Variants in WWOX observed in about 807,000 individuals in gnomAD.
WWOX encodes the protein WW domain containing oxidoreductase, also known as WW domain-containing oxidoreductase.
A neutral mutation model predicts 46.2 loss-of-function variants in WWOX; 69 were observed. The observed-to-expected ratio is 1.49, with a 90% CI of 1.23 to 1.82. The LOEUF (loss-of-function observed/expected upper bound fraction) is 1.82, where lower values mean the gene tolerates loss of function less well. Among genes scored for constraint, WWOX ranks in the 40% most tolerant of loss-of-function variants. The pLI, the probability that WWOX is intolerant of heterozygous loss-of-function variation, is 0.00. For synonymous variants in WWOX, 359 were observed against 202.6 expected (o/e 1.77, Z -6.56); for missense variants, 919 against 542.6 (o/e 1.69, Z -6.89).
At chr16:78,482,866 G>A (rs1408775676) in intron 8 of WWOX, among the ~76,000 whole-genome samples, 1 of 152,138 alleles carries the variant, frequency 6.6e-6, no homozygotes, top group African/African-American at 2.4e-5. Flanking sequence ...AGAGGGCCAG[G>A]CACATAAAAT....
intron 8 of WWOX, among the ~76,000 whole-genome samples, chr16:78,812,415 A>G (rs1449927388): frequency 6.6e-6 from 1 of 152,126 alleles, no homozygotes; most frequent in African/African-American, 2.4e-5. Flanking sequence ...TTTGTTAAAA[A>G]AAACCCAAAA....
chr16:79,017,965 C>G (rs2113306), intron 8 of WWOX, among the ~76,000 whole-genome samples: 77 of 152,272 alleles, frequency 5.1e-4, no homozygotes, highest in Non-Finnish European at 9.7e-4. Context: ...GAATAAAATA[C>G]ACATTTGCAC....
rs1248627307 is a variant in WWOX at position 78,372,919 on chromosome 16, G to A, written c.517-13941G>A. Among the ~76,000 whole-genome samples, 9 of 152,146 alleles carry A rather than the reference G, an allele frequency of 5.9e-5. 1 individual carries two copies. The highest frequency in any genetic ancestry group is 5.9e-4 in the Admixed American group (9 of 15,284). On this transcript the variant is annotated intron_variant, in intron 5 of 8. Transcript: ENST00000566780. ...TGGAATAATGAGCTTGGTTTGAAAA[G>A]TAGCATCATTAATCTGATATATGCT...
chr16:78,431,073 T>C (rs543137951), intron 7 of WWOX, among the ~76,000 whole-genome samples: 6 of 152,222 alleles, frequency 3.9e-5, no homozygotes, highest in Non-Finnish European at 8.8e-5. Context: ...TGAGACTGTT[T>C]AGAAAATTCC....
chr16:78,533,444 A>AT (rs1567627022), intron 8 of WWOX, among the ~76,000 whole-genome samples: 1 of 151,864 alleles, frequency 6.6e-6, no homozygotes, highest in Non-Finnish European at 1.5e-5. Flanking sequence ...AAATCTCATA[A>AT]TGTTTTAAGA....
At chr16:78,264,170 A>G (rs2079311945) in intron 5 of WWOX, among the ~76,000 whole-genome samples, 1 of 151,944 alleles carries the variant, frequency 6.6e-6, no homozygotes, top group African/African-American at 2.4e-5. Flanking sequence ...TCATCACCAC[A>G]GAGGGCCCCA....
At chr16:78,663,405 A>G (rs1419979939) in intron 8 of WWOX, among the ~76,000 whole-genome samples, 1 of 152,138 alleles carries the variant, frequency 6.6e-6, no homozygotes, top group Non-Finnish European at 1.5e-5. Flanking sequence ...AATATATTAT[A>G]CTTTGTTTAT....
In WWOX at chr16:78,124,849, C is replaced by T. The variant is rs141512863; in HGVS notation, c.409+9695C>T. ...GCTCTCTGAAAGCAAGACAAGGTTTCTTCACTAGACTCTAAGAGGAGATCT... is the reference window on the plus strand; with the variant it reads ...GCTCTCTGAAAGCAAGACAAGGTTTTTTCACTAGACTCTAAGAGGAGATCT... On this transcript the variant is annotated intron_variant, in intron 4 of 8. Coordinates refer to ENST00000566780, the MANE Select transcript of WWOX (RefSeq NM_016373.4). Among the ~76,000 whole-genome samples, 1,225 of 152,206 alleles carry T rather than the reference C, an allele frequency of 8.0e-3. 9 individuals carry two copies. The highest frequency in any genetic ancestry group is 0.013 in the Non-Finnish European group (854 of 68,018).
At chr16:78,130,380 AG>A (rs2151695491) in intron 4 of WWOX, among the ~76,000 whole-genome samples, 1 of 152,272 alleles carries the variant, frequency 6.6e-6, no homozygotes, top group East Asian at 1.9e-4. Context: ...AACTAGTAGG[AG>A]GGCCCTCCCC....
At chr16:78,674,347 C>T (rs150307583) in intron 8 of WWOX, among the ~76,000 whole-genome samples, 149 of 149,410 alleles carry the variant, frequency 1.0e-3, no homozygotes, top group Admixed American at 1.8e-3. Context: ...TGCAGTGGTG[C>T]GATCTTGGCT....
At chr16:78,126,697 A>G (rs916632785) in intron 4 of WWOX, among the ~76,000 whole-genome samples, 1 of 152,230 alleles carries the variant, frequency 6.6e-6, no homozygotes, top group Non-Finnish European at 1.5e-5. Flanking sequence ...TTGCTTCACT[A>G]AAATCTTTTA....
intron 8 of WWOX, among the ~76,000 whole-genome samples, chr16:79,011,306 T>C (rs940309825): frequency 1.3e-5 from 2 of 151,734 alleles, no homozygotes; most frequent in African/African-American, 2.4e-5. Context: ...ATTAACACTA[T>C]TACGTAGTAT....
intron 8 of WWOX, among the ~76,000 whole-genome samples, chr16:78,720,944 A>T (rs1218808463): frequency 6.6e-6 from 1 of 152,146 alleles, no homozygotes; most frequent in Non-Finnish European, 1.5e-5. Flanking sequence ...GCACTTCTCC[A>T]TCATCAGGGG....
chr16:78,424,120 G>GTTTTTTTTTTTTTTTTTTTTTT (rs565162154), intron 6 of WWOX, among the ~76,000 whole-genome samples: 1 of 108,064 alleles, frequency 9.3e-6, no homozygotes, highest in Non-Finnish European at 2.0e-5. Flanking sequence ...TTTTTTTTTT[G>GTTTTTTTTTTTTTTTTTTTTTT]TTTTTTTTTT....
Position 78,914,575 on chromosome 16 carries a change from C to A in WWOX, c.1057-297033C>A, listed in dbSNP as rs190175349. Among the ~76,000 whole-genome samples the A allele has an allele frequency of 9.2e-5, 14 of 151,982 alleles. No individual in the cohort carries two copies. The East Asian group carries it at 2.7e-3, about 29-fold the overall frequency. Reference sequence around the variant, plus strand: ...GTGTGGGATCAAGAACTTTTAGGCACTGTGAGTATAAGAGGGAAACCAGGC... The same window carrying A: ...GTGTGGGATCAAGAACTTTTAGGCAATGTGAGTATAAGAGGGAAACCAGGC... On this transcript the variant is annotated intron_variant, in intron 8 of 8. Coordinates refer to ENST00000566780, the MANE Select transcript of WWOX (RefSeq NM_016373.4).
intron 8 of WWOX, among the ~76,000 whole-genome samples, chr16:78,956,402 A>C (rs2046167513): frequency 6.6e-6 from 1 of 151,880 alleles, no homozygotes; most frequent in African/African-American, 2.4e-5. Flanking sequence ...TGATCCGCCC[A>C]TCTCGGCCTC....
chr16:78,982,152 GA>G (rs1015240174), intron 8 of WWOX, among the ~76,000 whole-genome samples: 1 of 145,230 alleles, frequency 6.9e-6, no homozygotes, highest in Non-Finnish European at 1.5e-5. Flanking sequence ...AGGAAAAGAA[GA>G]AAAAAAATAA....
intron 5 of WWOX, among the ~76,000 whole-genome samples, chr16:78,216,754 C>T (rs904775124): frequency 5.3e-5 from 8 of 151,924 alleles, no homozygotes; most frequent in African/African-American, 1.7e-4. Context: ...ATTTGTGAGA[C>T]AGAGCTTTGC....
At chr16:78,312,210 T>G (rs1305077789) in intron 5 of WWOX, among the ~76,000 whole-genome samples, 1 of 152,110 alleles carries the variant, frequency 6.6e-6, no homozygotes, top group Non-Finnish European at 1.5e-5. Context: ...ATCTGCAACC[T>G]TAATTCATAT....
Sources: allele counts gnomAD v4.1 joint callset (sites outside exome capture counted in the v4.1 genomes callset), GRCh38; gene constraint gnomAD v4.1.1; transcripts MANE v1.5; gene names NCBI Gene and HGNC (gene_info 2026-07-23, HGNC 2026-07-21).